Variants in LRRD1 observed in about 807,000 individuals in gnomAD.
LRRD1 encodes leucine rich repeats and death domain containing 1.
Under a neutral mutation model 69.5 loss-of-function variants are expected in LRRD1, and 49 were observed. The observed-to-expected ratio is 0.70, with a 90% CI of 0.56 to 0.89. The LOEUF (loss-of-function observed/expected upper bound fraction) is 0.89, where lower values mean the gene tolerates loss of function less well. Ranked by LOEUF, LRRD1 falls within the 40% of genes least tolerant of loss-of-function variation. The probability of loss-of-function intolerance (pLI) is 0.00; values close to 1 mark genes in which losing one functional copy is unlikely to be tolerated. For synonymous variants in LRRD1, 303 were observed against 338.9 expected, an observed-to-expected ratio of 0.89 and a Z score of 1.16; for missense variants, 853 against 956.0, an observed-to-expected ratio of 0.89 and a Z score of 1.42.
chr7:92,175,739 C>T (rs1789181211), intron 1 of LRRD1, among the ~76,000 whole-genome samples: 1 of 152,158 alleles, frequency 6.6e-6, no homozygotes. Flanking sequence ...CTAAAAAATG[C>T]TATGCTTTGC....
At chr7:92,174,848 G>A (rs953287830) in intron 1 of LRRD1, among the ~76,000 whole-genome samples, 7 of 151,812 alleles carry the variant, frequency 4.6e-5, no homozygotes, top group African/African-American at 1.7e-4. Context: ...GATCACCTGA[G>A]GTCAGGAGTT....
chr7:92,148,406 C>T (rs1017687548), intron 4 of LRRD1, among the ~76,000 whole-genome samples: 4 of 152,084 alleles, frequency 2.6e-5, no homozygotes, highest in South Asian at 2.1e-4. Flanking sequence ...TGTACCATCC[C>T]GCGTGATCAA....
intron 3 of LRRD1, among the ~76,000 whole-genome samples, chr7:92,158,480 G>A (rs975413023): frequency 1.3e-5 from 2 of 151,652 alleles, no homozygotes; most frequent in African/African-American, 2.4e-5. Flanking sequence ...TATAATCAAC[G>A]CAGTATTTGT....
downstream of LRRD1, among the ~76,000 whole-genome samples, chr7:92,143,513 C>T (rs10231570): frequency 0.26 from 38,931 of 152,042 alleles, 5,277 homozygotes; most frequent in Non-Finnish European, 0.31. Flanking sequence ...AGCCCTGCCC[C>T]GCGGGAAGGC....
chr7:92,176,240 G>A (rs1396705099), intron 1 of LRRD1, among the ~76,000 whole-genome samples: 2 of 152,108 alleles, frequency 1.3e-5, no homozygotes, highest in Non-Finnish European at 2.9e-5. Flanking sequence ...TATTTCTTTT[G>A]CGATGGAGAA....
intron 3 of LRRD1, among the ~76,000 whole-genome samples, chr7:92,155,185 C>T (rs901731294): frequency 2.0e-5 from 3 of 152,174 alleles, no homozygotes; most frequent in African/African-American, 7.2e-5. Flanking sequence ...GCCAGCATCA[C>T]TACTCTTGTG....
At position 92,164,615 on chromosome 7, in the gene LRRD1, T is replaced by C; in HGVS notation, c.588A>G (p.Gln196=). The C allele has an allele frequency of 6.4e-7, 1 of 1,551,816 alleles. No individual in the cohort carries two copies. Residue 196 remains glutamine (Q), a synonymous_variant, in exon 2 of 6, where the codon CAA becomes CAG. Transcript: ENST00000458448. ...ATGGAAGTGATGATAATCCATTTTC[T>C]TGCAGGGATAGAATTTCAAGTCCTA... ...DLLGLEILSL[Q]ENGLSSLPSE...
chr7:92,164,605 A>G lies in LRRD1; in HGVS notation c.598T>C (p.Leu200=). Reference sequence around the variant, plus strand: ...TGAATTTCAGATGGAAGTGATGATAATCCATTTTCTTGCAGGGATAGAATT... The same window carrying G: ...TGAATTTCAGATGGAAGTGATGATAGTCCATTTTCTTGCAGGGATAGAATT... The part of the protein sequence containing the change: ...LEILSLQENG[L]SSLPSEIQLL... The change falls in exon 2 of 6, where the codon TTA becomes CTA. Residue 200 remains leucine, a synonymous_variant. Transcript: ENST00000458448. The G allele has an allele frequency of 6.4e-7, 1 of 1,551,684 alleles. No homozygotes were observed. The highest frequency in any genetic ancestry group is 8.7e-7 in the Non-Finnish European group (1 of 1,146,782).
At chr7:92,171,648 G>A (rs1271169812) in intron 1 of LRRD1, among the ~76,000 whole-genome samples, 2 of 151,890 alleles carry the variant, frequency 1.3e-5, no homozygotes, top group East Asian at 3.9e-4. Flanking sequence ...AACTGAAGAG[G>A]GAATTCTCCC....
At chr7:92,177,313 C>T (rs1055012245) in intron 1 of LRRD1, among the ~76,000 whole-genome samples, 1 of 151,870 alleles carries the variant, frequency 6.6e-6, no homozygotes, top group African/African-American at 2.4e-5. Flanking sequence ...TTCTAATTAG[C>T]TATTTGTTGA....
intron 1 of LRRD1, among the ~76,000 whole-genome samples, chr7:92,178,609 G>T (rs1029396496): frequency 1.3e-5 from 2 of 152,030 alleles, no homozygotes; most frequent in Non-Finnish European, 2.9e-5. Context: ...GGCAGAGGTT[G>T]CAATGAGCCG....
chr7:92,162,279 G>C (rs566720242), intron 2 of LRRD1, among the ~76,000 whole-genome samples: 6 of 152,272 alleles, frequency 3.9e-5, no homozygotes, highest in Admixed American at 6.5e-5. Context: ...ACTCTTCAAA[G>C]CTTTTAATAG....
intron 3 of LRRD1, among the ~76,000 whole-genome samples, chr7:92,153,466 G>GTTT (rs990081357): frequency 1.6e-4 from 23 of 142,242 alleles, no homozygotes; most frequent in Non-Finnish European, 3.4e-4. Context: ...TTTGTTTTTA[G>GTTT]TTTTTTTTTT....
intron 3 of LRRD1, 22 bp downstream of exon 3, chr7:92,158,983 A>G: frequency 6.6e-7 from 1 of 1,512,702 alleles, no homozygotes; most frequent in Non-Finnish European, 8.8e-7. Context: ...GATTATGCTT[A>G]CTGATTATGC....
Position 92,165,281 on chromosome 7 carries a change from A to G in LRRD1, c.-74-5T>C. On this transcript the variant is annotated splice_polypyrimidine_tract_variant and splice_region_variant and intron_variant, in intron 1 of 5. Coordinates refer to ENST00000458448, the MANE Select transcript of LRRD1 (RefSeq NM_001161528.2). ...TTCATGTTTTTTCCTTTGAATCTAC[A>G]AAACAAATGTTGAAATTAAAAGATG... 3.8e-6 allele frequency: 3 copies of G among 783,964 alleles called. No individual in the cohort carries two copies. The South Asian group carries it at 1.2e-4, about 31-fold the overall frequency. 48.6% of individuals were successfully genotyped at this position (783,964 alleles called of 1,614,324 possible).
At chr7:92,161,442 T>C (rs1006771355) in intron 2 of LRRD1, among the ~76,000 whole-genome samples, 3 of 152,256 alleles carry the variant, frequency 2.0e-5, no homozygotes, top group African/African-American at 7.2e-5. Context: ...GCAATTTGGA[T>C]TCCTGACAGG....
intron 1 of LRRD1, among the ~76,000 whole-genome samples, chr7:92,174,787 C>A (rs1456183520): frequency 6.6e-6 from 1 of 151,830 alleles, no homozygotes; most frequent in African/African-American, 2.4e-5. Context: ...CCAGGCTGGG[C>A]GTGGTGGCTC....
intron 1 of LRRD1, among the ~76,000 whole-genome samples, chr7:92,169,628 C>T (rs957517799): frequency 2.6e-5 from 4 of 151,760 alleles, no homozygotes; most frequent in Non-Finnish European, 4.4e-5. Flanking sequence ...CCAGCTTGGG[C>T]GACAGAGAGA....
chr7:92,152,915 G>T (rs1440817650), intron 3 of LRRD1, among the ~76,000 whole-genome samples: 5 of 152,058 alleles, frequency 3.3e-5, no homozygotes, highest in South Asian at 4.1e-4. Flanking sequence ...TGATCTGCCC[G>T]CCTGGGCCTC....
Sources: allele counts gnomAD v4.1 joint callset (sites outside exome capture counted in the v4.1 genomes callset), GRCh38; gene constraint gnomAD v4.1.1; transcripts MANE v1.5; gene names NCBI Gene and HGNC (gene_info 2026-07-23, HGNC 2026-07-21).